The following SNTG2 variants were observed in gnomAD, a reference collection of about 807,000 sequenced individuals.
The protein encoded by SNTG2 is gamma-2-syntrophin.
SNTG2 carries 74 observed loss-of-function variants against 70.9 expected under a neutral mutation model. The ratio of observed to expected loss-of-function variants is 1.04; its 90% CI spans 0.86 to 1.27. The LOEUF (loss-of-function observed/expected upper bound fraction) is 1.27, where lower values mean the gene tolerates loss of function less well. SNTG2 is among the 50% of genes most tolerant of loss of function. SNTG2 has a pLI of 0.00. For missense variants in SNTG2, 717 were observed against 690.7 expected, an observed-to-expected ratio of 1.04 and a Z score of -0.43; for synonymous variants, 278 against 273.8, an observed-to-expected ratio of 1.02 and a Z score of -0.15.
chr2:1,265,563 C>G (rs561490968), intron 13 of SNTG2, among the ~76,000 whole-genome samples: 92 of 152,310 alleles, frequency 6.0e-4, no homozygotes, highest in African/African-American at 2.1e-3. Context: ...GCCAGGGCAT[C>G]CCCCCGGAGA....
At chr2:1,197,891 C>A (rs893091346) in intron 8 of SNTG2, among the ~76,000 whole-genome samples, 2 of 151,970 alleles carry the variant, frequency 1.3e-5, no homozygotes, top group Non-Finnish European at 2.9e-5. Flanking sequence ...AAATAAACTC[C>A]AATATGAAAA....
intron 11 of SNTG2, among the ~76,000 whole-genome samples, chr2:1,243,385 T>C (rs1266985507): frequency 6.6e-6 from 1 of 152,178 alleles, no homozygotes; most frequent in Non-Finnish European, 1.5e-5. Flanking sequence ...TTCCAGCTGG[T>C]ACCTGCAGCT....
intron 1 of SNTG2, among the ~76,000 whole-genome samples, chr2:1,004,188 T>C (rs1659495911): frequency 6.6e-6 from 1 of 152,206 alleles, no homozygotes; most frequent in Non-Finnish European, 1.5e-5. Context: ...TGACAAAAAC[T>C]AAATCATTAG....
chr2:1,140,783 G>C lies in SNTG2; in HGVS notation c.411+2974G>C, dbSNP rs146360777. Among the ~76,000 whole-genome samples, 14 of 151,688 alleles carry C rather than the reference G, an allele frequency of 9.2e-5. No homozygotes were observed. In the East Asian group the frequency reaches 2.7e-3, roughly 30 times the overall value. On this transcript the variant is annotated intron_variant, in intron 6 of 16. Transcript: ENST00000308624. ...ATACTGTAATAGAAAATCACTTCTA[G>C]TCTAAGTTACAGTCTAAGTTCTTAA... is the stretch of plus-strand genomic sequence containing the variant.
intron 9 of SNTG2, among the ~76,000 whole-genome samples, chr2:1,227,077 C>T (rs1195796890): frequency 6.6e-6 from 1 of 152,196 alleles, no homozygotes; most frequent in Non-Finnish European, 1.5e-5. Context: ...CATTCAGCAC[C>T]ACCCCAACTG....
intron 1 of SNTG2, among the ~76,000 whole-genome samples, chr2:1,023,892 C>T (rs1299829746): frequency 2.0e-5 from 3 of 152,210 alleles, no homozygotes; most frequent in African/African-American, 7.2e-5. Flanking sequence ...AGACAGCACA[C>T]CTGAAAGCTT....
intron 1 of SNTG2, among the ~76,000 whole-genome samples, chr2:965,310 G>A (rs1572170952): frequency 2.2e-5 from 3 of 133,954 alleles, no homozygotes; most frequent in African/African-American, 9.2e-5. Context: ...CTGGTCCCCA[G>A]TCCTCCTCCT....
intron 4 of SNTG2, among the ~76,000 whole-genome samples, chr2:1,132,209 G>A (rs976217753): frequency 1.3e-5 from 2 of 148,818 alleles, no homozygotes; most frequent in African/African-American, 4.9e-5. Flanking sequence ...GTATATATAT[G>A]TGTATATATA....
intron 16 of SNTG2, among the ~76,000 whole-genome samples, chr2:1,326,716 A>G (rs913659354): frequency 3.3e-5 from 5 of 152,206 alleles, no homozygotes; most frequent in South Asian, 2.1e-4. Flanking sequence ...TTGCATTGGC[A>G]TATTATTAAT....
intron 1 of SNTG2, among the ~76,000 whole-genome samples, chr2:977,879 C>T (rs945281368): frequency 1.4e-4 from 22 of 152,332 alleles, no homozygotes; most frequent in African/African-American, 5.3e-4. Context: ...CTTCAAGTAA[C>T]TGATCTCATC....
At chr2:1,257,142 A>T (rs2148159568) in intron 12 of SNTG2, among the ~76,000 whole-genome samples, 1 of 152,002 alleles carries the variant, frequency 6.6e-6, no homozygotes, top group Non-Finnish European at 1.5e-5. Flanking sequence ...CACCCATAAC[A>T]TCCATGTGGC....
At chr2:1,354,976 C>A (rs1660766410) in intron 16 of SNTG2, among the ~76,000 whole-genome samples, 1 of 152,196 alleles carries the variant, frequency 6.6e-6, no homozygotes, top group African/African-American at 2.4e-5. Flanking sequence ...CTTCAGGCTT[C>A]TGTGGCCTCG....
chr2:1,297,566 G>A (rs547869950), intron 14 of SNTG2, among the ~76,000 whole-genome samples: 2 of 149,404 alleles, frequency 1.3e-5, no homozygotes, highest in African/African-American at 2.5e-5. Flanking sequence ...CCAGCCCGGC[G>A]CCTCTACAGC....
intron 1 of SNTG2, among the ~76,000 whole-genome samples, chr2:1,029,117 T>G (rs960882016): frequency 3.9e-5 from 6 of 152,182 alleles, no homozygotes; most frequent in Non-Finnish European, 7.3e-5. Flanking sequence ...CTTATCTTTA[T>G]CTCCCCAAAT....
intron 1 of SNTG2, among the ~76,000 whole-genome samples, chr2:1,037,892 G>A (rs1661219300): frequency 6.6e-6 from 1 of 152,164 alleles, no homozygotes; most frequent in Non-Finnish European, 1.5e-5. Flanking sequence ...TGAATCCTGA[G>A]GCTGTGGACG....
chr2:1,365,087 GT>G (rs59283968), intron 16 of SNTG2, among the ~76,000 whole-genome samples: 6,213 of 150,822 alleles, frequency 0.041, 403 homozygotes, highest in African/African-American at 0.14. Context: ...AAGCTACTTG[GT>G]TTTTTTTTTT....
chr2:1,017,716 C>T (rs1659949846), intron 1 of SNTG2, among the ~76,000 whole-genome samples: 1 of 152,208 alleles, frequency 6.6e-6, no homozygotes, highest in Non-Finnish European at 1.5e-5. Context: ...GTTACCGTAT[C>T]TTCTTTTAAT....
At chr2:1,083,972 C>T (rs534360281) in intron 2 of SNTG2, among the ~76,000 whole-genome samples, 2 of 151,816 alleles carry the variant, frequency 1.3e-5, no homozygotes, top group South Asian at 2.1e-4. Flanking sequence ...ATCCAGGAGG[C>T]GGAGGTTTCA....
At chr2:1,226,789 T>C (rs1381184575) in intron 9 of SNTG2, among the ~76,000 whole-genome samples, 1 of 152,272 alleles carries the variant, frequency 6.6e-6, no homozygotes, top group Non-Finnish European at 1.5e-5. Flanking sequence ...CCTGTAAGAA[T>C]CTTTTAGACT....
Sources: gnomAD v4.1 joint callset for allele counts (sites outside exome capture counted in the v4.1 genomes callset) on GRCh38, gnomAD v4.1.1 for gene constraint, MANE v1.5 for transcripts, NCBI Gene and HGNC (gene_info 2026-07-23, HGNC 2026-07-21) for gene names.